HIPK3: variants seen among roughly 807,000 people sequenced by gnomAD.
The protein encoded by HIPK3 is homeodomain-interacting protein kinase 3.
HIPK3 carries 47 observed loss-of-function variants against 124.2 expected under a neutral mutation model. The observed-to-expected ratio is 0.38, with a 90% confidence interval of 0.30 to 0.48. The LOEUF (loss-of-function observed/expected upper bound fraction) is 0.48, where lower values mean the gene tolerates loss of function less well. Among genes scored for constraint, HIPK3 ranks in the 20% least tolerant of loss-of-function variants. The pLI is 0.98. For synonymous variants in HIPK3, 482 were observed against 515.2 expected, an observed-to-expected ratio of 0.94 and a Z score of 0.87; for missense variants, 1,286 against 1,454.3, an observed-to-expected ratio of 0.88 and a Z score of 1.88.
Position 33,337,143 on chromosome 11 carries a change from A to G in HIPK3, c.1290A>G (p.Thr430=), listed in dbSNP as rs758723104. 2.2e-5 allele frequency: 35 copies of G among 1,587,484 alleles called. 1 individual carries two copies. In the South Asian group the frequency reaches 3.7e-4, roughly 17 times the overall value. ...EQLLNVGTKS[T]RFFCKETDMS... is the part of the protein sequence containing the mutation. ...TGTTAAATGTGGGTACTAAATCCAC[A>G]AGATTTTTTTGCAAAGAAACAGATA... The change falls in exon 4 of 17, where the codon ACA becomes ACG. Residue 430 remains threonine, a synonymous_variant. Transcript: ENST00000303296.
intron 1 of HIPK3, among the ~76,000 whole-genome samples, chr11:33,269,911 T>G (rs1851076494): frequency 6.6e-6 from 1 of 152,180 alleles, no homozygotes; most frequent in Non-Finnish European, 1.5e-5. Flanking sequence ...CTAAATCCTT[T>G]GCCTGGATTC....
Position 33,334,931 on chromosome 11 carries a change from T to C in HIPK3, c.1222-2144T>C, listed in dbSNP as rs1285959232. Reference sequence around the variant, plus strand: ...CAGGAGGCTTGTGAAATTGTATAACTCAGAATTGAAGAGGATCTGAGGTAG... The same window carrying C: ...CAGGAGGCTTGTGAAATTGTATAACCCAGAATTGAAGAGGATCTGAGGTAG... On this transcript the variant is annotated intron_variant, in intron 3 of 16. Coordinates refer to ENST00000303296, the MANE Select transcript of HIPK3 (RefSeq NM_005734.5). 1.3e-4 allele frequency among the ~76,000 whole-genome samples: 20 copies of C among 152,110 alleles called. 1 individual carries two copies. Among genetic ancestry groups the C allele is most frequent in the Admixed American group, 1.3e-3 (20 of 15,266 alleles).
At chr11:33,285,982 C>G (rs1851538994) in intron 1 of HIPK3, among the ~76,000 whole-genome samples, 1 of 152,094 alleles carries the variant, frequency 6.6e-6, no homozygotes, top group Non-Finnish European at 1.5e-5. Context: ...ACCGTGTTGG[C>G]CAGGCTGGTC....
chr11:33,265,771 T>TA (rs1850938643), intron 1 of HIPK3, among the ~76,000 whole-genome samples: 2 of 42,842 alleles, frequency 4.7e-5, no homozygotes, highest in Non-Finnish European at 8.7e-5. Flanking sequence ...AGACCTTGTC[T>TA]CAAAAAAAAA....
rs200260579 is a variant in HIPK3 at position 33,339,449 on chromosome 11, G to A, written c.1528G>A (p.Ala510Thr). ...SLLKKMLLID[A>T]DLRITPAETL... ...GTTGAAGAAAATGTTGCTGATTGAT[G>A]CAGATTTAAGAATTACTCCAGCTGA... The change falls in exon 6 of 17, where the codon GCA becomes ACA. Residue 510 changes from alanine to threonine, a missense_variant. Ala to Thr is a moderately conservative substitution (Grantham distance 58, BLOSUM62 0). Around this residue, in one of 3 missense-constraint regions of HIPK3, gnomAD observed 810 missense variants for 864.9 expected, o/e 0.94. Transcript: ENST00000303296. 16 of 1,613,192 alleles carry A rather than the reference G, an allele frequency of 9.9e-6. No homozygotes were observed. Among genetic ancestry groups the A allele is most frequent in the Non-Finnish European group, 1.1e-5 (13 of 1,179,290 alleles).
At chr11:33,269,473 T>A (rs1488816246) in intron 1 of HIPK3, among the ~76,000 whole-genome samples, 1 of 152,210 alleles carries the variant, frequency 6.6e-6, no homozygotes, top group East Asian at 1.9e-4. Context: ...CTGTTTTTTT[T>A]CCTGCTTTTT....
rs569787237 is a variant in HIPK3, at chr11:33,311,603, A to G, written c.1098-16907A>G. 5.9e-5 allele frequency among the ~76,000 whole-genome samples: 9 copies of G among 152,260 alleles called. No individual in the cohort carries two copies. In the East Asian group the frequency reaches 1.4e-3, roughly 23 times the overall value. ...CTCTGTACACATACAGCCTGCCACT[A>G]TTGACATCCTGTACCACAGTGTACA... On this transcript the variant is annotated intron_variant, in intron 2 of 16. Coordinates refer to ENST00000303296, the MANE Select transcript of HIPK3 (RefSeq NM_005734.5).
Position 33,286,405 on chromosome 11 carries a change from T to C in HIPK3, c.-2-8T>C. The C allele has an allele frequency of 7.6e-7, 1 of 1,314,100 alleles. No individual in the cohort carries two copies. Among genetic ancestry groups the C allele is most frequent in the Non-Finnish European group, 9.8e-7 (1 of 1,024,408 alleles). The allele number at this position is 1,314,100 out of a possible 1,614,324, so 81.4% of individuals were successfully genotyped here. On this transcript the variant is annotated splice_region_variant and splice_polypyrimidine_tract_variant and intron_variant, in intron 1 of 16. Coordinates refer to ENST00000303296, the MANE Select transcript of HIPK3 (RefSeq NM_005734.5). ...TTTTTCTTTTCCTTTTTTTTTTTTT[T>C]TTTGCAGGTATGGCCTCACAAGTCT...
At chr11:33,271,404 A>C (rs1372955147) in intron 1 of HIPK3, among the ~76,000 whole-genome samples, 2 of 152,234 alleles carry the variant, frequency 1.3e-5, no homozygotes, top group Admixed American at 1.3e-4. Context: ...CATCCTAACA[A>C]AAATACAAAA....
chr11:33,285,536 G>T (rs1851523160), intron 1 of HIPK3, among the ~76,000 whole-genome samples: 1 of 148,088 alleles, frequency 6.8e-6, no homozygotes, highest in Non-Finnish European at 1.5e-5. Context: ...TAAAATCCCT[G>T]CCATAGGTGG....
chr11:33,318,210 A>G (rs1852561739), intron 2 of HIPK3, among the ~76,000 whole-genome samples: 1 of 135,492 alleles, frequency 7.4e-6, no homozygotes, highest in Non-Finnish European at 1.8e-5. Flanking sequence ...AAAGTCCAAT[A>G]GTTTTTTTTC....
intron 1 of HIPK3, among the ~76,000 whole-genome samples, chr11:33,269,985 T>C (rs1043855372): frequency 3.9e-5 from 6 of 152,170 alleles, no homozygotes; most frequent in African/African-American, 1.4e-4. Flanking sequence ...TATGGTTTTT[T>C]ATTATTTTTT....
chr11:33,273,911 G>T (rs1186792447), intron 1 of HIPK3, among the ~76,000 whole-genome samples: 1 of 152,122 alleles, frequency 6.6e-6, no homozygotes, highest in African/African-American at 2.4e-5. Flanking sequence ...TATGTGTCTG[G>T]CAAAGGAGAT....
At chr11:33,351,568 GA>G (rs746840288) in intron 14 of HIPK3, 39 bp from the exon 15 acceptor site, 12 of 1,435,314 alleles carry the variant, frequency 8.4e-6, no homozygotes, top group Admixed American at 3.4e-5. Flanking sequence ...TTTAATGTTG[GA>G]AAAAAATATC....
intron 2 of HIPK3, among the ~76,000 whole-genome samples, chr11:33,310,224 A>G (rs1178218937): frequency 1.4e-5 from 2 of 147,978 alleles, no homozygotes; most frequent in Non-Finnish European, 1.5e-5. Context: ...CTGGCTGGCT[A>G]TCTTTGTCTG....
chr11:33,333,672 CTTTTG>C (rs1853054831), intron 3 of HIPK3, among the ~76,000 whole-genome samples: 1 of 152,112 alleles, frequency 6.6e-6, no homozygotes, highest in Non-Finnish European at 1.5e-5. Context: ...TCACTGGCCA[CTTTTG>C]TTTGTTTGTT....
chr11:33,329,529 T>G (rs1852910847), intron 3 of HIPK3, among the ~76,000 whole-genome samples: 1 of 152,198 alleles, frequency 6.6e-6, no homozygotes, highest in Admixed American at 6.5e-5. Context: ...AGAGAGGTAA[T>G]TAATTTAGGT....
intron 2 of HIPK3, among the ~76,000 whole-genome samples, chr11:33,301,963 A>G (rs1346138987): frequency 6.6e-6 from 1 of 152,094 alleles, no homozygotes; most frequent in African/African-American, 2.4e-5. Context: ...GGAAACCAAA[A>G]ATTTGTGTGA....
chr11:33,271,376 C>A (rs1402520810), intron 1 of HIPK3, among the ~76,000 whole-genome samples: 1 of 152,022 alleles, frequency 6.6e-6, no homozygotes, highest in African/African-American at 2.4e-5. Flanking sequence ...GAGTTTGAGA[C>A]CAGCCATGGT....
Sources: allele counts gnomAD v4.1 joint callset (sites outside exome capture counted in the v4.1 genomes callset), GRCh38; gene constraint gnomAD v4.1.1; regional missense constraint gnomAD v4.1.1; transcripts MANE v1.5; gene names NCBI Gene and HGNC (gene_info 2026-07-23, HGNC 2026-07-21).